MUSK: variants seen among roughly 807,000 people sequenced by gnomAD.
The protein encoded by MUSK is muscle, skeletal receptor tyrosine-protein kinase.
In MUSK, 55 loss-of-function variants were observed where a neutral mutation model predicts 88.7. That is an observed-to-expected ratio of 0.62 (90% CI 0.50 to 0.78). MUSK has a LOEUF of 0.78. Ranked by LOEUF, MUSK falls within the 30% of genes least tolerant of loss-of-function variation. The pLI, the probability that MUSK is intolerant of heterozygous loss-of-function variation, is 0.00. For missense variants in MUSK, 1,015 were observed against 1,074.3 expected, an observed-to-expected ratio of 0.94 and a Z score of 0.77; for synonymous variants, 387 against 391.9, an observed-to-expected ratio of 0.99 and a Z score of 0.15.
chr9:110,741,347 T>G (rs1315718865), intron 6 of MUSK, among the ~76,000 whole-genome samples: 1 of 152,190 alleles, frequency 6.6e-6, no homozygotes, highest in Non-Finnish European at 1.5e-5. Context: ...AATGCTTTGC[T>G]CTATACTTGT....
intron 2 of MUSK, 77 bp from the exon 3 acceptor site, chr9:110,687,040 A>G: frequency 6.9e-7 from 1 of 1,448,550 alleles, no homozygotes; most frequent in Admixed American, 2.0e-5. Context: ...TTAACAAGTC[A>G]TCGGTTTGAT....
At chr9:110,785,771 A>G in intron 13 of MUSK, 53 bp downstream of exon 13, 2 of 1,406,258 alleles carry the variant, frequency 1.4e-6, no homozygotes, top group Non-Finnish European at 1.9e-6. Context: ...ATGTCTGAAA[A>G]GCTACCAAAC....
intron 3 of MUSK, among the ~76,000 whole-genome samples, chr9:110,687,768 C>T (rs1587898221): frequency 6.6e-6 from 1 of 152,012 alleles, no homozygotes; most frequent in Non-Finnish European, 1.5e-5. Context: ...TGCTATCAAC[C>T]ACTACCCTAA....
At chr9:110,728,520 G>GT (rs1362366636) in intron 5 of MUSK, among the ~76,000 whole-genome samples, 2 of 152,066 alleles carry the variant, frequency 1.3e-5, no homozygotes, top group African/African-American at 4.8e-5. Context: ...AAGGTCTGCA[G>GT]TTTTCCTTGA....
chr9:110,705,352 A>G (rs979869126), intron 5 of MUSK, among the ~76,000 whole-genome samples: 6 of 152,210 alleles, frequency 3.9e-5, no homozygotes, highest in Admixed American at 1.3e-4. Flanking sequence ...TGAACAGGAC[A>G]TAGAACATGC....
At chr9:110,671,571 AT>A (rs1239574973) in intron 1 of MUSK, among the ~76,000 whole-genome samples, 1 of 152,160 alleles carries the variant, frequency 6.6e-6, no homozygotes, top group African/African-American at 2.4e-5. Context: ...CATAGTTTTC[AT>A]TTTAGTTTAA....
intron 1 of MUSK, among the ~76,000 whole-genome samples, chr9:110,674,871 A>G (rs1381086617): frequency 6.6e-6 from 1 of 152,012 alleles, no homozygotes; most frequent in Non-Finnish European, 1.5e-5. Context: ...CTCGGCCTCA[A>G]AAGTGCTGGG....
At chr9:110,721,416 AC>A (rs1359556883) in intron 5 of MUSK, among the ~76,000 whole-genome samples, 1 of 152,196 alleles carries the variant, frequency 6.6e-6, no homozygotes, top group Non-Finnish European at 1.5e-5. Flanking sequence ...ATTAATGTAC[AC>A]AAATCAGTAG....
Position 110,800,991 on chromosome 9 carries a change from T to C in MUSK, c.*3T>C, listed in dbSNP as rs373306676. ...CAGAGGGAACTGTGAGTGTCTAAGG[T>C]TGAAGACGTTCAAATAAAATGCTGC... On this transcript the variant is annotated 3_prime_UTR_variant, in exon 15 of 15. Transcript: ENST00000374448. The C allele has an allele frequency of 1.4e-5, 21 of 1,506,776 alleles. No homozygotes were observed. In the African/African-American group the frequency reaches 2.9e-4, roughly 21 times the overall value. The allele number at this position is 1,506,776 out of a possible 1,614,324, so 93.3% of individuals were successfully genotyped here.
At chr9:110,746,551 C>T (rs1242877810) in intron 6 of MUSK, among the ~76,000 whole-genome samples, 1 of 152,144 alleles carries the variant, frequency 6.6e-6, no homozygotes, top group Non-Finnish European at 1.5e-5. Flanking sequence ...GCTATCTTTC[C>T]TACAGAGTTG....
At chr9:110,700,218 G>A (rs2076484318) in intron 5 of MUSK, among the ~76,000 whole-genome samples, 1 of 152,182 alleles carries the variant, frequency 6.6e-6, no homozygotes, top group Admixed American at 6.6e-5. Context: ...GAGGCTAAAT[G>A]TTTTATGTGG....
intron 5 of MUSK, chr9:110,706,037 C>T (rs1197811785): frequency 4.1e-6 from 2 of 493,366 alleles, no homozygotes; most frequent in African/African-American, 3.9e-5. Context: ...TTCTTTGTTG[C>T]ACATTTTAAT....
intron 5 of MUSK, chr9:110,728,317 C>A (rs1008938506): frequency 3.4e-5 from 7 of 206,688 alleles, no homozygotes; most frequent in African/African-American, 1.7e-4. Context: ...CTCTAAGCTA[C>A]AAGGGGGGAA....
At chr9:110,754,855 A>C (rs1382381058) in intron 7 of MUSK, among the ~76,000 whole-genome samples, 4 of 152,208 alleles carry the variant, frequency 2.6e-5, no homozygotes, top group Non-Finnish European at 5.9e-5. Context: ...AGTTCTCTTC[A>C]TTCTCTTTCA....
intron 8 of MUSK, among the ~76,000 whole-genome samples, chr9:110,762,643 A>G (rs1204083117): frequency 2.6e-5 from 4 of 152,212 alleles, no homozygotes; most frequent in Admixed American, 2.6e-4. Context: ...AGTAAATGAT[A>G]AAGTTAGAAA....
At chr9:110,728,802 C>G (rs1564249489) in intron 5 of MUSK, 2 of 1,058,028 alleles carry the variant, frequency 1.9e-6, no homozygotes, top group African/African-American at 3.3e-5. Context: ...ATAAACAGCT[C>G]TAAGTGCCAT....
At chr9:110,744,172 T>G (rs184638709) in intron 6 of MUSK, among the ~76,000 whole-genome samples, 18 of 152,298 alleles carry the variant, frequency 1.2e-4, no homozygotes, top group East Asian at 7.7e-4. Context: ...TTTCACCATG[T>G]GAGCCAGGAT....
intron 5 of MUSK, among the ~76,000 whole-genome samples, chr9:110,733,469 C>A (rs1312967832): frequency 6.6e-6 from 1 of 152,032 alleles, no homozygotes; most frequent in Non-Finnish European, 1.5e-5. Context: ...GGTAAAATTT[C>A]TTCCTACATC....
At position 110,801,581 on chromosome 9, in the gene MUSK, G is replaced by T. The variant is rs1204170819; in HGVS notation, c.*593G>T. On this transcript the variant is annotated 3_prime_UTR_variant, in exon 15 of 15. Coordinates refer to ENST00000374448, the MANE Select transcript of MUSK (RefSeq NM_005592.4). ...TTGTGGTTACATTTTATTGATAGAG[G>T]GTTTCTAAGGAATGAAACAGCAAAT... 2 of 152,072 alleles carry T rather than the reference G, an allele frequency of 1.3e-5. No individual in the cohort carries two copies. The highest frequency in any genetic ancestry group is 2.4e-5 in the African/African-American group (1 of 41,408). 9.4% of individuals were successfully genotyped at this position (152,072 alleles called of 1,614,324 possible).
Sources: allele counts gnomAD v4.1 joint callset (sites outside exome capture counted in the v4.1 genomes callset), GRCh38; gene constraint gnomAD v4.1.1; transcripts MANE v1.5; gene names NCBI Gene and HGNC (gene_info 2026-07-23, HGNC 2026-07-21).